PPP1R12B: variants seen among roughly 807,000 people sequenced by gnomAD.
The protein encoded by PPP1R12B is myosin phosphatase target subunit 2.
PPP1R12B carries 76 observed loss-of-function variants against 126.1 expected under a neutral mutation model. That is an observed-to-expected ratio of 0.60 (90% CI 0.50 to 0.73). The LOEUF is 0.73. PPP1R12B is among the 30% of genes least tolerant of loss of function. The pLI is 0.00. For synonymous variants in PPP1R12B, 356 were observed against 434.7 expected, an observed-to-expected ratio of 0.82 and a Z score of 2.25; for missense variants, 1,052 against 1,205.1, an observed-to-expected ratio of 0.87 and a Z score of 1.88.
At chr1:202,486,543 C>T (rs1215603315) in intron 13 of PPP1R12B, among the ~76,000 whole-genome samples, 3 of 152,182 alleles carry the variant, frequency 2.0e-5, no homozygotes, top group African/African-American at 4.8e-5. Context: ...CAGTGGCTCA[C>T]GCCTATAAAC....
intron 1 of PPP1R12B, among the ~76,000 whole-genome samples, chr1:202,393,576 T>C (rs1664468908): frequency 6.6e-6 from 1 of 152,214 alleles, no homozygotes; most frequent in African/African-American, 2.4e-5. Flanking sequence ...TATAAAAATA[T>C]ATGCAGATCA....
At chr1:202,575,733 A>T (rs932796144) in intron 23 of PPP1R12B, 1 of 152,194 alleles carries the variant, frequency 6.6e-6, no homozygotes, top group Non-Finnish European at 1.5e-5. Context: ...TCCATCCCCA[A>T]ATAATCAGTG....
intron 23 of PPP1R12B, among the ~76,000 whole-genome samples, chr1:202,580,082 C>T (rs567189543): frequency 6.6e-6 from 1 of 152,242 alleles, no homozygotes; most frequent in African/African-American, 2.4e-5. Flanking sequence ...TGAATTCTTT[C>T]CCTATGTCCT....
rs1689967501 is a variant in PPP1R12B, at chr1:202,588,670, C to G, written c.*8110C>G. Reference sequence around the variant, plus strand: ...TATCATTGGTGGGGGCCTCGCCCACCAGCCTCCTACAACTCCTGTCCACAT... The same window carrying G: ...TATCATTGGTGGGGGCCTCGCCCACGAGCCTCCTACAACTCCTGTCCACAT... On this transcript the variant is annotated 3_prime_UTR_variant, in exon 24 of 24. Transcript: ENST00000608999. 6.6e-6 allele frequency: 1 copy of G among 152,076 alleles called. No individual in the cohort carries two copies. The highest frequency in any genetic ancestry group is 2.4e-5 in the African/African-American group (1 of 41,384). The allele number at this position is 152,076 out of a possible 1,614,324, so 9.4% of individuals were successfully genotyped here.
Position 202,508,190 on chromosome 1 carries a change from T to C in PPP1R12B, c.2490+11368T>C, listed in dbSNP as rs1681039280. Among the ~76,000 whole-genome samples the C allele has an allele frequency of 1.3e-5, 2 of 152,190 alleles. No individual in the cohort carries two copies. Among genetic ancestry groups the C allele is most frequent in the Admixed American group, 1.3e-4 (2 of 15,276 alleles). On this transcript the variant is annotated intron_variant, in intron 18 of 23. Transcript: ENST00000608999. The surrounding 1 kb of genome is among the most constrained non-coding windows in gnomAD (Gnocchi z 4.5). ...GTCTTCAGTAAAGCAAGTTCAAGGATCAGATAGCAGCCATTTAGTGACATG... is the reference window on the plus strand; with the variant it reads ...GTCTTCAGTAAAGCAAGTTCAAGGACCAGATAGCAGCCATTTAGTGACATG...
intron 10 of PPP1R12B, chr1:202,439,241 C>T: frequency 2.2e-6 from 3 of 1,388,342 alleles, no homozygotes; most frequent in Non-Finnish European, 2.0e-6. Flanking sequence ...ACCATCCAGA[C>T]AATATCAAGG....
At chr1:202,440,829 A>AG (rs1453081974) in intron 11 of PPP1R12B, 41 bp downstream of exon 11, 2 of 1,512,798 alleles carry the variant, frequency 1.3e-6, no homozygotes, top group Non-Finnish European at 1.8e-6. Context: ...TCATCCTCTT[A>AG]GGTCTACTGG....
intron 1 of PPP1R12B, among the ~76,000 whole-genome samples, chr1:202,352,713 C>A (rs1267895306): frequency 1.3e-5 from 2 of 152,042 alleles, no homozygotes; most frequent in Admixed American, 6.6e-5. Context: ...ATTGCAAAAT[C>A]CCGTCTCTAC....
chr1:202,382,720 TAAAA>T (rs1662536741), intron 1 of PPP1R12B, among the ~76,000 whole-genome samples: 1 of 151,418 alleles, frequency 6.6e-6, no homozygotes, highest in African/African-American at 2.4e-5. Context: ...CTACTAAAAA[TAAAA>T]AAATTAGCCA....
chr1:202,403,594 G>C (rs1322740303), intron 1 of PPP1R12B, among the ~76,000 whole-genome samples: 4 of 152,218 alleles, frequency 2.6e-5, no homozygotes, highest in Non-Finnish European at 5.9e-5. Flanking sequence ...GGACTTTGCT[G>C]TGGGGCAGGG....
intron 18 of PPP1R12B, among the ~76,000 whole-genome samples, chr1:202,543,844 A>G (rs992422476): frequency 7.9e-5 from 12 of 152,224 alleles, no homozygotes; most frequent in African/African-American, 2.9e-4. Flanking sequence ...AATGACTGTT[A>G]TAAGTGGTAT....
chr1:202,497,438 T>C (rs781676229), intron 18 of PPP1R12B, among the ~76,000 whole-genome samples: 1 of 152,218 alleles, frequency 6.6e-6, no homozygotes, highest in East Asian at 1.9e-4. Flanking sequence ...AGGAATTTGG[T>C]TCTGACTAAA....
At chr1:202,459,816 G>GC (rs1241064881) in intron 13 of PPP1R12B, among the ~76,000 whole-genome samples, 1 of 152,194 alleles carries the variant, frequency 6.6e-6, no homozygotes, top group Admixed American at 6.5e-5. Context: ...AGCTCAGAAT[G>GC]CAACAGTCTC....
intron 1 of PPP1R12B, among the ~76,000 whole-genome samples, chr1:202,397,811 A>G (rs1665206214): frequency 6.6e-6 from 1 of 152,242 alleles, no homozygotes; most frequent in African/African-American, 2.4e-5. Flanking sequence ...ATTAAATACT[A>G]TGCATGTAGC....
intron 18 of PPP1R12B, among the ~76,000 whole-genome samples, chr1:202,517,558 A>G (rs1307022217): frequency 6.6e-6 from 1 of 152,214 alleles, no homozygotes; most frequent in Non-Finnish European, 1.5e-5. Context: ...AAAATAGACA[A>G]TTAACATGCA....
chr1:202,427,554 C>T (rs930140322), intron 5 of PPP1R12B, among the ~76,000 whole-genome samples: 2 of 152,144 alleles, frequency 1.3e-5, no homozygotes, highest in African/African-American at 4.8e-5. Context: ...TGACAAAGAT[C>T]CTTGAGTTTG....
chr1:202,434,806 C>T (rs753360556), intron 9 of PPP1R12B, 38 bp downstream of exon 9: 2 of 1,609,858 alleles, frequency 1.2e-6, no homozygotes, highest in African/African-American at 1.3e-5. Flanking sequence ...TTAGATTTCA[C>T]CCTACTGCAG....
intron 19 of PPP1R12B, among the ~76,000 whole-genome samples, chr1:202,560,992 C>T (rs1687463926): frequency 2.0e-5 from 3 of 151,200 alleles, no homozygotes; most frequent in Non-Finnish European, 4.4e-5. Context: ...TGCACATGTA[C>T]CCTAAAACTT....
intron 1 of PPP1R12B, among the ~76,000 whole-genome samples, chr1:202,405,592 C>A (rs1571859947): frequency 6.6e-6 from 1 of 152,116 alleles, no homozygotes; most frequent in East Asian, 1.9e-4. Context: ...CTCATTTAAT[C>A]CTAATTGTAA....
Sources: gnomAD v4.1 joint callset for allele counts (sites outside exome capture counted in the v4.1 genomes callset) on GRCh38, gnomAD v4.1.1 for gene constraint, Gnocchi (gnomAD v3.1) non-coding constraint, MANE v1.5 for transcripts, NCBI Gene and HGNC (gene_info 2026-07-23, HGNC 2026-07-21) for gene names.